The following ARHGAP32 variants were observed in gnomAD, a reference collection of about 807,000 sequenced individuals.
The protein encoded by ARHGAP32 is Rho GTPase activating protein 32, also known as rho GTPase-activating protein 32.
Under a neutral mutation model 186.5 loss-of-function variants are expected in ARHGAP32, and 51 were observed. The ratio of observed to expected loss-of-function variants is 0.27; its 90% CI spans 0.22 to 0.35. The LOEUF (loss-of-function observed/expected upper bound fraction) is 0.35, where lower values mean the gene tolerates loss of function less well. Among genes scored for constraint, ARHGAP32 ranks in the 10% least tolerant of loss-of-function variants. The pLI is 1.00. For synonymous variants in ARHGAP32, 950 were observed against 964.3 expected (o/e 0.99, Z 0.27); for missense variants, 2,186 against 2,623.5 (o/e 0.83, Z 3.64).
At position 128,986,029 on chromosome 11, in the gene ARHGAP32, G is replaced by A; in HGVS notation, c.1500C>T (p.Ile500=). ...EERLIKIHDV[I]QQLPPPHYRT... ...TGTAGTGTGGTGGGGGGAGCTGCTGGATGACATCGTGGATTTTTATCAGCC... is the reference window on the plus strand; with the variant it reads ...TGTAGTGTGGTGGGGGGAGCTGCTGAATGACATCGTGGATTTTTATCAGCC... Residue 500 remains isoleucine (I), a synonymous_variant, in exon 15 of 23, where the codon ATC becomes ATT. Coordinates refer to ENST00000682385, the MANE Select transcript of ARHGAP32 (RefSeq NM_001378024.1). 6.2e-7 allele frequency: 1 copy of A among 1,608,242 alleles called. No individual in the cohort carries two copies. The highest frequency in any genetic ancestry group is 1.1e-5 in the South Asian group (1 of 90,300).
intron 1 of ARHGAP32, among the ~76,000 whole-genome samples, chr11:129,241,503 G>A (rs367659220): frequency 5.3e-5 from 8 of 151,866 alleles, no homozygotes; most frequent in Admixed American, 3.3e-4. Context: ...AAAATTAGCC[G>A]GGTGTGTTGG....
intron 1 of ARHGAP32, among the ~76,000 whole-genome samples, chr11:129,222,908 C>T (rs1480808089): frequency 6.6e-6 from 1 of 152,070 alleles, no homozygotes; most frequent in East Asian, 1.9e-4. Context: ...GCAGTATCCC[C>T]TTGACTAGCA....
At chr11:129,215,990 G>C (rs764465099) in intron 1 of ARHGAP32, among the ~76,000 whole-genome samples, 1 of 152,150 alleles carries the variant, frequency 6.6e-6, no homozygotes, top group Admixed American at 6.6e-5. Flanking sequence ...AGAAAAGAGC[G>C]ATGTGAAAAC....
intron 12 of ARHGAP32, among the ~76,000 whole-genome samples, chr11:128,995,747 G>A (rs1263314534): frequency 1.3e-5 from 2 of 152,242 alleles, no homozygotes; most frequent in Non-Finnish European, 2.9e-5. Context: ...GCTGAGGCAG[G>A]AGGACAGCTT....
chr11:128,985,434 T>C (rs510986), intron 15 of ARHGAP32, among the ~76,000 whole-genome samples: 1 of 152,334 alleles, frequency 6.6e-6, no homozygotes, highest in African/African-American at 2.4e-5. Flanking sequence ...TGTCAGTAAT[T>C]GGAATTTTAA....
intron 1 of ARHGAP32, among the ~76,000 whole-genome samples, chr11:129,183,357 T>C (rs1455074627): frequency 6.6e-6 from 1 of 152,142 alleles, no homozygotes; most frequent in Admixed American, 6.5e-5. Flanking sequence ...TATTTAGTTT[T>C]TTAAAAAGGA....
At chr11:129,172,061 T>C (rs1943775841) in intron 1 of ARHGAP32, among the ~76,000 whole-genome samples, 1 of 152,002 alleles carries the variant, frequency 6.6e-6, no homozygotes, top group Admixed American at 6.6e-5. Context: ...GTTCAAGGAG[T>C]TTTTGGGCTG....
intron 10 of ARHGAP32, among the ~76,000 whole-genome samples, chr11:129,061,569 C>G (rs1295847707): frequency 6.6e-6 from 1 of 152,174 alleles, no homozygotes; most frequent in Non-Finnish European, 1.5e-5. Context: ...AATACCTCAA[C>G]AGTCAACCTG....
chr11:129,144,519 T>C (rs1943128720), intron 2 of ARHGAP32, among the ~76,000 whole-genome samples: 3 of 152,168 alleles, frequency 2.0e-5, no homozygotes, highest in South Asian at 2.1e-4. Context: ...AATGTCTTAA[T>C]ATCTGGGCAC....
rs952851728 is a variant in ARHGAP32, at chr11:128,978,752, A to T, written c.2122+18T>A. ...CCATCATGACAGCAGCAGAAGTGAG[A>T]ATCTCCCAGGCACTCACCTTTCAGA... On this transcript the variant is annotated intron_variant, in intron 19 of 22. Coordinates refer to ENST00000682385, the MANE Select transcript of ARHGAP32 (RefSeq NM_001378024.1). 8 of 1,589,964 alleles carry T rather than the reference A, an allele frequency of 5.0e-6. No homozygotes were observed. The highest frequency in any genetic ancestry group is 6.8e-6 in the Non-Finnish European group (8 of 1,172,372).
chr11:129,240,435 C>T (rs921185945), intron 1 of ARHGAP32, among the ~76,000 whole-genome samples: 19 of 152,132 alleles, frequency 1.2e-4, no homozygotes, highest in African/African-American at 4.3e-4. Context: ...TTGTGCTACC[C>T]AGCCTTCAGT....
At chr11:128,997,379 A>G (rs966231425) in intron 12 of ARHGAP32, among the ~76,000 whole-genome samples, 10 of 152,216 alleles carry the variant, frequency 6.6e-5, no homozygotes, top group East Asian at 1.9e-4. Context: ...ACAATGAGCA[A>G]GACCTTAATT....
At chr11:129,022,894 T>A (rs187617412) in intron 11 of ARHGAP32, among the ~76,000 whole-genome samples, 1 of 152,182 alleles carries the variant, frequency 6.6e-6, no homozygotes, top group Admixed American at 6.5e-5. Context: ...AAATGCCATA[T>A]AGCATTCTTT....
chr11:129,215,186 T>C (rs1408115071), intron 1 of ARHGAP32, among the ~76,000 whole-genome samples: 1 of 152,156 alleles, frequency 6.6e-6, no homozygotes, highest in African/African-American at 2.4e-5. Flanking sequence ...TCATCTCTCT[T>C]TAATTTTACC....
chr11:128,978,373 CCTT>C (rs1945612224), intron 19 of ARHGAP32, among the ~76,000 whole-genome samples: 1 of 151,960 alleles, frequency 6.6e-6, no homozygotes, highest in Admixed American at 6.6e-5. Flanking sequence ...ATAAAAAATA[CCTT>C]CTTTAGTTAA....
intron 18 of ARHGAP32, 189 bp downstream of exon 18, chr11:128,980,364 C>A (rs984525276): frequency 1.1e-5 from 5 of 447,950 alleles, no homozygotes; most frequent in African/African-American, 1.0e-4. Context: ...CATTGTAAAG[C>A]AAGAATCATT....
rs1945294672 is a variant in ARHGAP32 at position 129,259,487 on chromosome 11, T to C, written c.-5+19659A>G. Among the ~76,000 whole-genome samples the C allele has an allele frequency of 3.3e-5, 5 of 152,216 alleles. No homozygotes were observed. The South Asian group carries it at 1.0e-3, about 32-fold the overall frequency. Reference sequence around the variant, plus strand: ...CTCACACACACACAAAAAAATACTTTTCCTGTACATTTATTACTTCACTCA... The same window carrying C: ...CTCACACACACACAAAAAAATACTTCTCCTGTACATTTATTACTTCACTCA... On this transcript the variant is annotated intron_variant, in intron 1 of 6. Transcript: ENST00000525234.
chr11:128,985,867 T>TACATTTC, intron 15 of ARHGAP32, 136 bp downstream of exon 15: 1 of 210,078 alleles, frequency 4.8e-6, no homozygotes, highest in Non-Finnish European at 9.0e-6. Flanking sequence ...TGTATATATA[T>TACATTTC]ATATATATAT....
In ARHGAP32 at chr11:129,124,725, T is replaced by C. The variant is rs536029075; in HGVS notation, c.317+78A>G. 3.2e-5 allele frequency: 37 copies of C among 1,148,800 alleles called. No individual in the cohort carries two copies. In the East Asian group the frequency reaches 8.5e-4, roughly 26 times the overall value. 71.2% of individuals were successfully genotyped at this position (1,148,800 alleles called of 1,614,324 possible). A position where few individuals can be genotyped will look rare whatever the true frequency, so the allele number is the denominator to read the frequency against. ...AGCATATTTTTGTAAAAAGTCTAAA[T>C]AAAAGTTTTAAGAGAATTGAAGAAC... On this transcript the variant is annotated intron_variant, in intron 3 of 22. Transcript: ENST00000682385.
Sources: gnomAD v4.1 joint callset for allele counts (sites outside exome capture counted in the v4.1 genomes callset) on GRCh38, gnomAD v4.1.1 for gene constraint, MANE v1.5 for transcripts, NCBI Gene and HGNC (gene_info 2026-07-23, HGNC 2026-07-21) for gene names.